The following UBASH3B variants were observed in gnomAD, a reference collection of about 807,000 sequenced individuals.
UBASH3B encodes the protein ubiquitin-associated and SH3 domain-containing protein B.
A neutral mutation model predicts 83.4 loss-of-function variants in UBASH3B; 37 were observed. The ratio of observed to expected loss-of-function variants is 0.44; its 90% confidence interval spans 0.34 to 0.58. UBASH3B has a LOEUF of 0.58. Among genes scored for constraint, UBASH3B ranks in the 20% least tolerant of loss-of-function variants. The probability of loss-of-function intolerance (pLI) is 0.01; values close to 1 mark genes in which losing one functional copy is unlikely to be tolerated. For synonymous variants in UBASH3B, 304 were observed against 318.3 expected (o/e 0.96, Z 0.48); for missense variants, 657 against 827.2 (o/e 0.79, Z 2.52).
chr11:122,661,963 A>G (rs1053855933), intron 1 of UBASH3B, among the ~76,000 whole-genome samples: 3 of 149,986 alleles, frequency 2.0e-5, no homozygotes, highest in Non-Finnish European at 4.4e-5. Flanking sequence ...CTGGAGTGCA[A>G]TGGCGTGATC....
At chr11:122,715,773 T>C (rs1243635462) in intron 1 of UBASH3B, among the ~76,000 whole-genome samples, 2 of 152,204 alleles carry the variant, frequency 1.3e-5, no homozygotes, top group African/African-American at 4.8e-5. Context: ...AACATATGGC[T>C]TCCCAGCCAT....
chr11:122,801,175 T>G lies in UBASH3B; in HGVS notation c.1451-13T>G. 1 of 1,613,592 alleles carries G rather than the reference T, an allele frequency of 6.2e-7. No individual in the cohort carries two copies. Among genetic ancestry groups the G allele is most frequent in the Non-Finnish European group, 8.5e-7 (1 of 1,179,774 alleles). On this transcript the variant is annotated splice_polypyrimidine_tract_variant and intron_variant, in intron 10 of 13. Transcript: ENST00000284273. ...AGGCACTTTCTTCATCTTCACTGTA[T>G]TTTACCCCTAAGGTTTACAACAAGA...
In UBASH3B at chr11:122,789,126, C is replaced by A. The variant is rs764908673; in HGVS notation, c.798C>A (p.Thr266=). The change falls in exon 6 of 14, where the codon ACC becomes ACA. Residue 266 remains threonine, a synonymous_variant. Transcript: ENST00000284273. ...CATTACAGGTCATCTACCCCTATAC[C>A]CCACAAAATGACGATGAGCTGGAGC... is the stretch of plus-strand genomic sequence containing the variant. ...HETLQVIYPY[T]PQNDDELELV... 1 of 1,613,420 alleles carries A rather than the reference C, an allele frequency of 6.2e-7. No homozygotes were observed. The highest frequency in any genetic ancestry group is 2.2e-5 in the East Asian group (1 of 44,880).
chr11:122,673,826 AAAG>A (rs764385207), intron 1 of UBASH3B, among the ~76,000 whole-genome samples: 3 of 152,222 alleles, frequency 2.0e-5, no homozygotes, highest in Non-Finnish European at 4.4e-5. Context: ...TTTAAAAGAA[AAAG>A]AAGATCATGA....
intron 1 of UBASH3B, among the ~76,000 whole-genome samples, chr11:122,725,884 G>A (rs1332045787): frequency 2.6e-5 from 4 of 151,986 alleles, no homozygotes; most frequent in African/African-American, 4.8e-5. Context: ...AGTAGAGACA[G>A]GGTTTTACCA....
At chr11:122,668,813 C>G (rs1211080497) in intron 1 of UBASH3B, among the ~76,000 whole-genome samples, 1 of 152,150 alleles carries the variant, frequency 6.6e-6, no homozygotes, top group Non-Finnish European at 1.5e-5. Flanking sequence ...TACTTTGAGG[C>G]TCTCAAAGTA....
chr11:122,699,593 T>C (rs1476653958), intron 1 of UBASH3B, among the ~76,000 whole-genome samples: 4 of 150,168 alleles, frequency 2.7e-5, no homozygotes, highest in Non-Finnish European at 5.9e-5. Context: ...TTTCCTTTCT[T>C]TTTTTTTTGA....
chr11:122,777,399 T>G (rs1204680133), intron 3 of UBASH3B, among the ~76,000 whole-genome samples, 189 bp downstream of exon 3: 1 of 152,190 alleles, frequency 6.6e-6, no homozygotes, highest in Non-Finnish European at 1.5e-5. Context: ...TTCCTAGTTT[T>G]ATCTGCTGAG....
At chr11:122,755,606 G>A (rs1861270453) in intron 1 of UBASH3B, among the ~76,000 whole-genome samples, 1 of 152,122 alleles carries the variant, frequency 6.6e-6, no homozygotes, top group Non-Finnish European at 1.5e-5. Context: ...TCTCAGCCCT[G>A]AGCTGCTTAT....
intron 1 of UBASH3B, among the ~76,000 whole-genome samples, chr11:122,712,590 T>C (rs1864210687): frequency 6.6e-6 from 1 of 151,870 alleles, no homozygotes; most frequent in Admixed American, 6.6e-5. Flanking sequence ...ACCAGGAGGG[T>C]CACCAAGGGA....
intron 1 of UBASH3B, among the ~76,000 whole-genome samples, chr11:122,761,913 T>C (rs1490934334): frequency 6.9e-6 from 1 of 145,628 alleles, no homozygotes; most frequent in African/African-American, 2.6e-5. Context: ...TGCCTCAGCC[T>C]CCCGAGTAGC....
At chr11:122,703,623 A>G (rs1864077993) in intron 1 of UBASH3B, among the ~76,000 whole-genome samples, 1 of 152,238 alleles carries the variant, frequency 6.6e-6, no homozygotes. Flanking sequence ...ACTTTTAGAC[A>G]TTGTGAATAA....
chr11:122,758,455 G>A lies in UBASH3B; in HGVS notation c.162-17764G>A, dbSNP rs921545606. ...TGTTTTACCAAAAGATTCCCTCCAG[G>A]AGCTTCCCAGACAGGCCTAGCCTGC... On this transcript the variant is annotated intron_variant, in intron 1 of 13. Transcript: ENST00000284273. The surrounding 1 kb of genome is among the most constrained non-coding windows in gnomAD (Gnocchi z 4.2). Among the ~76,000 whole-genome samples the A allele has an allele frequency of 1.3e-5, 2 of 152,208 alleles. No individual in the cohort carries two copies. Among genetic ancestry groups the A allele is most frequent in the African/African-American group, 4.8e-5 (2 of 41,442 alleles).
At chr11:122,780,859 A>T (rs925720004) in intron 4 of UBASH3B, among the ~76,000 whole-genome samples, 3 of 152,198 alleles carry the variant, frequency 2.0e-5, no homozygotes, top group Non-Finnish European at 4.4e-5. Context: ...GGAGACGTAC[A>T]ATTCCCCTAC....
chr11:122,785,943 G>T (rs1860941183), intron 5 of UBASH3B, among the ~76,000 whole-genome samples: 1 of 152,208 alleles, frequency 6.6e-6, no homozygotes, highest in Admixed American at 6.5e-5. Flanking sequence ...TTCACTCAGG[G>T]CTGTGGCTGC....
chr11:122,747,370 C>T (rs972562951), intron 1 of UBASH3B, among the ~76,000 whole-genome samples: 1 of 152,052 alleles, frequency 6.6e-6, no homozygotes, highest in Admixed American at 6.5e-5. Context: ...ATGACACCAG[C>T]CAAGGAGTTT....
chr11:122,792,773 G>A (rs915776026), intron 6 of UBASH3B, among the ~76,000 whole-genome samples: 10 of 152,188 alleles, frequency 6.6e-5, no homozygotes, highest in Admixed American at 1.3e-4. Flanking sequence ...GGCAACATAC[G>A]CAGATGGACT....
intron 1 of UBASH3B, among the ~76,000 whole-genome samples, chr11:122,721,027 C>T (rs1860620829): frequency 1.3e-5 from 2 of 151,998 alleles, no homozygotes; most frequent in South Asian, 2.1e-4. Flanking sequence ...GGGCAGATCA[C>T]AAGGTCAGGA....
rs759547739 is a variant in UBASH3B at position 122,789,091 on chromosome 11, C to T, written c.772-9C>T. ...CATGGGGCTCACTCACCCTCTCTTC[C>T]TTTTCCAGACATTACAGGTCATCTA... On this transcript the variant is annotated splice_polypyrimidine_tract_variant and intron_variant, in intron 5 of 13. Coordinates refer to ENST00000284273, the MANE Select transcript of UBASH3B (RefSeq NM_032873.5). 106 of 1,608,950 alleles carry T rather than the reference C, an allele frequency of 6.6e-5. No homozygotes were observed. Among genetic ancestry groups the T allele is most frequent in the Admixed American group, 4.0e-4 (24 of 59,928 alleles).
Sources: allele counts gnomAD v4.1 joint callset (sites outside exome capture counted in the v4.1 genomes callset), GRCh38; gene constraint gnomAD v4.1.1; non-coding constraint Gnocchi (gnomAD v3.1); transcripts MANE v1.5; gene names NCBI Gene and HGNC (gene_info 2026-07-23, HGNC 2026-07-21).